The following CDKAL1 variants were observed in gnomAD, a reference collection of about 807,000 sequenced individuals.
CDKAL1 encodes the protein threonylcarbamoyladenosine tRNA methylthiotransferase.
CDKAL1 carries 32 observed loss-of-function variants against 68.2 expected under a neutral mutation model. That is an observed-to-expected ratio of 0.47 (90% CI 0.35 to 0.63). The LOEUF (loss-of-function observed/expected upper bound fraction) is 0.63. Among genes scored for constraint, CDKAL1 ranks in the 30% least tolerant of loss-of-function variants. The pLI is 0.00. For synonymous variants in CDKAL1, 234 were observed against 244.3 expected, an observed-to-expected ratio of 0.96 and a Z score of 0.39; for missense variants, 606 against 696.7, an observed-to-expected ratio of 0.87 and a Z score of 1.47.
intron 2 of CDKAL1, among the ~76,000 whole-genome samples, chr6:20,535,684 A>G (rs1381434542): frequency 1.3e-5 from 2 of 151,934 alleles, no homozygotes; most frequent in African/African-American, 2.4e-5. Flanking sequence ...GGAATCCATT[A>G]TAAGCTGATT....
intron 10 of CDKAL1, among the ~76,000 whole-genome samples, chr6:20,964,270 A>G (rs1765193484): frequency 6.6e-6 from 1 of 152,232 alleles, no homozygotes; most frequent in Non-Finnish European, 1.5e-5. Context: ...AAAGACCTGA[A>G]GACAGAAATA....
At chr6:20,591,722 T>C (rs890583581) in intron 4 of CDKAL1, among the ~76,000 whole-genome samples, 1 of 152,252 alleles carries the variant, frequency 6.6e-6, no homozygotes, top group South Asian at 2.1e-4. Context: ...TTCTGTTCCG[T>C]TGGTCTATAT....
chr6:20,816,541 C>G (rs1176736625), intron 8 of CDKAL1, among the ~76,000 whole-genome samples: 1 of 152,060 alleles, frequency 6.6e-6, no homozygotes, highest in African/African-American at 2.4e-5. Context: ...GAGCTTATAT[C>G]CTGGTTAATT....
chr6:20,894,138 T>C (rs1022640622), intron 9 of CDKAL1, among the ~76,000 whole-genome samples: 1 of 152,224 alleles, frequency 6.6e-6, no homozygotes, highest in African/African-American at 2.4e-5. Flanking sequence ...ACTAAGTATC[T>C]AAAGTGTTAT....
At chr6:20,800,564 C>G (rs1021985447) in intron 8 of CDKAL1, 3 of 152,142 alleles carry the variant, frequency 2.0e-5, no homozygotes, top group Non-Finnish European at 4.4e-5. Flanking sequence ...AACTCTCATG[C>G]CCAGCTTTTA....
chr6:20,826,603 T>A (rs1215715468), intron 8 of CDKAL1, among the ~76,000 whole-genome samples: 1 of 152,154 alleles, frequency 6.6e-6, no homozygotes, highest in Non-Finnish European at 1.5e-5. Flanking sequence ...GATAAACGTC[T>A]GGTGGTTTGT....
chr6:21,022,628 C>T (rs1014695240), intron 11 of CDKAL1, among the ~76,000 whole-genome samples: 1 of 152,134 alleles, frequency 6.6e-6, no homozygotes, highest in Non-Finnish European at 1.5e-5. Context: ...GGGGATGGCC[C>T]TTCTGGTCAC....
At chr6:20,654,241 T>G (rs1768917978) in intron 5 of CDKAL1, among the ~76,000 whole-genome samples, 1 of 152,162 alleles carries the variant, frequency 6.6e-6, no homozygotes, top group South Asian at 2.1e-4. Flanking sequence ...ATCTATTGGC[T>G]ATTTGGATTT....
intron 9 of CDKAL1, among the ~76,000 whole-genome samples, chr6:20,928,156 A>T (rs1763264217): frequency 6.6e-6 from 1 of 152,178 alleles, no homozygotes; most frequent in African/African-American, 2.4e-5. Context: ...AACCATCCTC[A>T]GCTGATGGAG....
chr6:21,119,842 T>C (rs1444472484), intron 13 of CDKAL1, among the ~76,000 whole-genome samples: 1 of 152,154 alleles, frequency 6.6e-6, no homozygotes, highest in African/African-American at 2.4e-5. Flanking sequence ...CTAGGTTCAA[T>C]CCAAGGTTCA....
At position 21,055,926 on chromosome 6, in the gene CDKAL1, A is replaced by G. The variant is rs551086658; in HGVS notation, c.1056-9122A>G. Among the ~76,000 whole-genome samples the G allele has an allele frequency of 3.3e-5, 5 of 152,324 alleles. No individual in the cohort carries two copies. In the East Asian group the frequency reaches 9.6e-4, roughly 29 times the overall value. On this transcript the variant is annotated intron_variant, in intron 11 of 15. Transcript: ENST00000274695. ...TGGGTCAAATGGTATTTCTGGTCCT[A>G]GGTCTTTGAGGAATTGCCACACTGT...
chr6:20,620,038 A>G (rs1026137825), intron 4 of CDKAL1, among the ~76,000 whole-genome samples: 3 of 152,188 alleles, frequency 2.0e-5, no homozygotes, highest in African/African-American at 7.2e-5. Flanking sequence ...TATCTGTGCA[A>G]GCGAACTCAC....
chr6:20,718,792 G>A (rs147702653), intron 5 of CDKAL1, among the ~76,000 whole-genome samples: 12 of 152,054 alleles, frequency 7.9e-5, no homozygotes, highest in Non-Finnish European at 1.3e-4. Flanking sequence ...CAGCTTTTGG[G>A]AGAGTGTTCA....
rs372146724 is a variant in CDKAL1, at chr6:21,079,976, C to G, written c.1236+14748C>G. Among the ~76,000 whole-genome samples, 168 of 135,838 alleles carry G rather than the reference C, an allele frequency of 1.2e-3. 2 individuals are homozygous for G. Among genetic ancestry groups the G allele is most frequent in the Middle Eastern group, 7.8e-3 (2 of 258 alleles). The allele number at this position is 135,838 out of a possible 152,430, so 89.1% of individuals were successfully genotyped here. On this transcript the variant is annotated intron_variant, in intron 12 of 15. Transcript: ENST00000274695. ...TAAGATAAGCTTATCAACTTTGTCT[C>G]TGTGTGTGTGTGTGTGTGTGTGTGT...
intron 9 of CDKAL1, among the ~76,000 whole-genome samples, chr6:20,895,243 T>C (rs1247331183): frequency 2.6e-5 from 4 of 152,230 alleles, no homozygotes; most frequent in African/African-American, 9.6e-5. Context: ...TCATGTGAAT[T>C]TACAACTTAC....
At chr6:20,915,349 C>T (rs969274545) in intron 9 of CDKAL1, among the ~76,000 whole-genome samples, 1 of 152,116 alleles carries the variant, frequency 6.6e-6, no homozygotes, top group Non-Finnish European at 1.5e-5. Flanking sequence ...GGAACTGGCT[C>T]TCACGACTGT....
rs139835049 is a variant in CDKAL1, at chr6:20,591,127, A to G, written c.286+42422A>G. Among the ~76,000 whole-genome samples the G allele has an allele frequency of 3.9e-3, 596 of 152,240 alleles. 3 individuals carry two copies. The highest frequency in any genetic ancestry group is 0.014 in the African/African-American group (562 of 41,520). Reference sequence around the variant, plus strand: ...GACCAGTGATGATGAGCTTTTTTTCATATGTTTGTTGACCACATAAATGTC... The same window carrying G: ...GACCAGTGATGATGAGCTTTTTTTCGTATGTTTGTTGACCACATAAATGTC... On this transcript the variant is annotated intron_variant, in intron 4 of 15. Coordinates refer to ENST00000274695, the MANE Select transcript of CDKAL1 (RefSeq NM_017774.3).
At position 20,874,563 on chromosome 6, in the gene CDKAL1, T is replaced by C. The variant is rs1760400371; in HGVS notation, c.742+28385T>C. On this transcript the variant is annotated intron_variant, in intron 9 of 15. Transcript: ENST00000274695. The stretch of plus-strand genomic sequence containing the variant: ...TGGAGTCTCACTCTGTAACCGAGGC[T>C]GGAGTGCAGTGGTGTGATCTTGGCT... Among the ~76,000 whole-genome samples, 4 of 152,100 alleles carry C rather than the reference T, an allele frequency of 2.6e-5. No homozygotes were observed. In the South Asian group the frequency reaches 8.3e-4, roughly 32 times the overall value.
chr6:20,557,837 G>A (rs749748523), intron 4 of CDKAL1, among the ~76,000 whole-genome samples: 3 of 152,174 alleles, frequency 2.0e-5, no homozygotes, highest in Non-Finnish European at 4.4e-5. Context: ...TGAGGCATGA[G>A]AATTGCTTGA....
Sources: gnomAD v4.1 joint callset for allele counts (sites outside exome capture counted in the v4.1 genomes callset) on GRCh38, gnomAD v4.1.1 for gene constraint, MANE v1.5 for transcripts, NCBI Gene and HGNC (gene_info 2026-07-23, HGNC 2026-07-21) for gene names.